The following LPP variants were observed in gnomAD, a reference collection of about 807,000 sequenced individuals.
LPP encodes lipoma-preferred partner.
A neutral mutation model predicts 60.4 loss-of-function variants in LPP; 38 were observed. That is an observed-to-expected ratio of 0.63 (90% CI 0.49 to 0.83). The LOEUF (loss-of-function observed/expected upper bound fraction) is 0.83. Among genes scored for constraint, LPP ranks in the 40% least tolerant of loss-of-function variants. The probability of loss-of-function intolerance (pLI) is 0.00; values close to 1 mark genes in which losing one functional copy is unlikely to be tolerated. For missense variants in LPP, 902 were observed against 783.6 expected, an observed-to-expected ratio of 1.15 and a Z score of -1.80; for synonymous variants, 328 against 290.8, an observed-to-expected ratio of 1.13 and a Z score of -1.30.
chr3:188,638,999 G>T (rs2148720280), intron 7 of LPP, among the ~76,000 whole-genome samples: 1 of 151,364 alleles, frequency 6.6e-6, no homozygotes, highest in South Asian at 2.1e-4. Context: ...TTTCTTCACA[G>T]AATTGGAAAA....
At chr3:188,473,368 C>A (rs920828317) in intron 4 of LPP, among the ~76,000 whole-genome samples, 1 of 152,146 alleles carries the variant, frequency 6.6e-6, no homozygotes, top group Non-Finnish European at 1.5e-5. Flanking sequence ...TATCCAGAAT[C>A]ACATATTGCA....
intron 6 of LPP, among the ~76,000 whole-genome samples, chr3:188,565,287 C>G (rs1345705114): frequency 6.6e-6 from 1 of 151,984 alleles, no homozygotes; most frequent in East Asian, 1.9e-4. Context: ...ATGTACTTCT[C>G]TATCACAGAG....
At chr3:188,592,557 G>GTTGTTTGTT (rs1553936334) in intron 6 of LPP, among the ~76,000 whole-genome samples, 6 of 85,722 alleles carry the variant, frequency 7.0e-5, no homozygotes, top group East Asian at 4.8e-4. Flanking sequence ...TTTTGTTTTT[G>GTTGTTTGTT]TTTTTTAAAT....
intron 7 of LPP, among the ~76,000 whole-genome samples, chr3:188,695,250 G>C (rs1208223827): frequency 2.6e-5 from 4 of 152,110 alleles, no homozygotes; most frequent in African/African-American, 9.7e-5. Flanking sequence ...ACCTTTCAGA[G>C]TTTGTGGGAA....
At chr3:188,737,874 G>A (rs184019669) in intron 8 of LPP, among the ~76,000 whole-genome samples, 6 of 152,220 alleles carry the variant, frequency 3.9e-5, no homozygotes, top group Non-Finnish European at 5.9e-5. Context: ...CTGTTTAAAT[G>A]GTCTTTAAGC....
chr3:188,650,950 C>T (rs1250698962), intron 7 of LPP, among the ~76,000 whole-genome samples: 1 of 152,134 alleles, frequency 6.6e-6, no homozygotes, highest in Non-Finnish European at 1.5e-5. Context: ...GCAATATTTA[C>T]CGTCTCTTTA....
intron 4 of LPP, among the ~76,000 whole-genome samples, chr3:188,420,789 G>T (rs1787579378): frequency 6.6e-6 from 1 of 152,058 alleles, no homozygotes; most frequent in African/African-American, 2.4e-5. Context: ...ACATTACTAG[G>T]CTGTGTTTGT....
At chr3:188,361,953 G>A (rs949526585) in intron 3 of LPP, among the ~76,000 whole-genome samples, 1 of 152,208 alleles carries the variant, frequency 6.6e-6, no homozygotes, top group African/African-American at 2.4e-5. Flanking sequence ...ATAAAAATAT[G>A]GCTAAATGTA....
rs377425839 is a variant in LPP at position 188,673,307 on chromosome 3, G to A, written c.1114-34960G>A. Among the ~76,000 whole-genome samples the A allele has an allele frequency of 8.5e-5, 7 of 82,474 alleles. No homozygotes were observed. In the East Asian group the frequency reaches 2.1e-3, roughly 25 times the overall value. 54.1% of individuals were successfully genotyped at this position (82,474 alleles called of 152,430 possible). On this transcript the variant is annotated intron_variant, in intron 7 of 11. Coordinates refer to ENST00000617246, the MANE Select transcript of LPP (RefSeq NM_001375462.1). The stretch of plus-strand genomic sequence containing the variant: ...TTACATCATCTCATGAATGACATAG[G>A]GCCCTATATGTGGAAACAAATAACA...
At chr3:188,725,090 C>T (rs145308372) in intron 8 of LPP, among the ~76,000 whole-genome samples, 3 of 152,274 alleles carry the variant, frequency 2.0e-5, no homozygotes, top group East Asian at 1.9e-4. Flanking sequence ...ACTGATTCTT[C>T]GACTTAGTTC....
At chr3:188,232,908 A>G (rs1720590622) in intron 2 of LPP, among the ~76,000 whole-genome samples, 1 of 151,920 alleles carries the variant, frequency 6.6e-6, no homozygotes, top group African/African-American at 2.4e-5. Flanking sequence ...TAATGTCTAT[A>G]AAGTACCTAT....
At chr3:188,462,302 G>A (rs1799146219) in intron 4 of LPP, among the ~76,000 whole-genome samples, 1 of 151,278 alleles carries the variant, frequency 6.6e-6, no homozygotes, top group South Asian at 2.1e-4. Context: ...AACTAATGTA[G>A]CTAATGAAGT....
intron 3 of LPP, among the ~76,000 whole-genome samples, chr3:188,390,133 T>C (rs1179788542): frequency 6.6e-6 from 1 of 152,166 alleles, no homozygotes; most frequent in Non-Finnish European, 1.5e-5. Context: ...CTCCGTGTCT[T>C]TGGTGTGCCA....
At chr3:188,535,419 T>G (rs1823306617) in intron 6 of LPP, among the ~76,000 whole-genome samples, 1 of 152,198 alleles carries the variant, frequency 6.6e-6, no homozygotes, top group Non-Finnish European at 1.5e-5. Flanking sequence ...TTCTGGCACA[T>G]GAGAGGCATA....
chr3:188,555,073 C>T (rs1829147152), intron 6 of LPP, among the ~76,000 whole-genome samples: 1 of 151,938 alleles, frequency 6.6e-6, no homozygotes, highest in Admixed American at 6.6e-5. Flanking sequence ...GGAGAGATCT[C>T]AAGGAGGTGA....
intron 2 of LPP, among the ~76,000 whole-genome samples, chr3:188,338,467 T>C (rs2150609613): frequency 6.6e-6 from 1 of 152,352 alleles, no homozygotes; most frequent in Non-Finnish European, 1.5e-5. Flanking sequence ...TGTTGCCACA[T>C]GAAACTTATG....
intron 2 of LPP, among the ~76,000 whole-genome samples, chr3:188,302,857 G>GC (rs1419799466): frequency 1.3e-5 from 2 of 152,130 alleles, no homozygotes; most frequent in Non-Finnish European, 2.9e-5. Context: ...TTGAAAGCTT[G>GC]CTCCCTCCCT....
In LPP at chr3:188,886,729, C is replaced by CATACACAT. The variant is rs1770715440; in HGVS notation, c.*12251_*12252insTACACATA. On this transcript the variant is annotated 3_prime_UTR_variant, in exon 12 of 12. Coordinates refer to ENST00000617246, the MANE Select transcript of LPP (RefSeq NM_001375462.1). ...TTGTATTGTCTTCAAAACACACACA[C>CATACACAT]ACACACATACACACACACACACACA... is the stretch of plus-strand genomic sequence containing the variant. 7.5e-6 allele frequency: 1 copy of CATACACAT among 133,840 alleles called. No homozygotes were observed. The allele number at this position is 133,840 out of a possible 1,614,324, so 8.3% of individuals were successfully genotyped here.
At chr3:188,272,696 A>C (rs745507899) in intron 2 of LPP, among the ~76,000 whole-genome samples, 27 of 152,172 alleles carry the variant, frequency 1.8e-4, no homozygotes, top group Admixed American at 5.9e-4. Flanking sequence ...TTACAAGAAG[A>C]TTTAGGGACA....
Sources: allele counts gnomAD v4.1 joint callset (sites outside exome capture counted in the v4.1 genomes callset), GRCh38; gene constraint gnomAD v4.1.1; transcripts MANE v1.5; gene names NCBI Gene and HGNC (gene_info 2026-07-23, HGNC 2026-07-21).